Variants in CLIP1 observed in about 807,000 individuals in gnomAD.
CLIP1 encodes CAP-Gly domain containing linker protein 1.
CLIP1 carries 66 observed loss-of-function variants against 161.6 expected under a neutral mutation model. That is an observed-to-expected ratio of 0.41 (90% CI 0.33 to 0.50). CLIP1 has a LOEUF of 0.50. Among genes scored for constraint, CLIP1 ranks in the 20% least tolerant of loss-of-function variants. CLIP1 has a pLI of 0.27. For synonymous variants in CLIP1, 598 were observed against 626.2 expected, an observed-to-expected ratio of 0.96 and a Z score of 0.67; for missense variants, 1,376 against 1,702.0, an observed-to-expected ratio of 0.81 and a Z score of 3.37.
rs77289752 is a variant in CLIP1 at position 122,328,146 on chromosome 12, G to C, written c.3050C>G (p.Thr1017Arg). The stretch of plus-strand genomic sequence containing the variant: ...CAGCTCCTGACACTGGTTGTGGCTT[G>C]TTTCCATTTTCTTTTCCTGCAGAGA... ...KLSDLEKKMETSHNQCQELKA... is the reference protein window; with the variant it reads ...KLSDLEKKMERSHNQCQELKA... The change falls in exon 17 of 26, where the codon ACA becomes AGA. Residue 1017 changes from threonine (T) to arginine (R), a missense_variant. This residue lies in a region of CLIP1 where 948 missense variants were observed against 1,134.8 expected (regional missense o/e 0.84). Transcript: ENST00000620786. 1 of 1,584,500 alleles carries C rather than the reference G, an allele frequency of 6.3e-7. No homozygotes were observed. The highest frequency in any genetic ancestry group is 8.5e-7 in the Non-Finnish European group (1 of 1,170,038).
chr12:122,363,558 TCTC>T (rs1447990255), intron 4 of CLIP1, among the ~76,000 whole-genome samples: 1 of 151,864 alleles, frequency 6.6e-6, no homozygotes, highest in African/African-American at 2.4e-5. Flanking sequence ...GGCGGTCTGT[TCTC>T]CTGCCGCAGG....
chr12:122,314,532 T>C (rs1951190349), intron 19 of CLIP1, among the ~76,000 whole-genome samples: 1 of 152,130 alleles, frequency 6.6e-6, no homozygotes, highest in Admixed American at 6.6e-5. Flanking sequence ...AATGGAATTT[T>C]ATCTAAACCC....
chr12:122,380,117 C>G (rs1954943991), intron 2 of CLIP1, among the ~76,000 whole-genome samples: 1 of 141,210 alleles, frequency 7.1e-6, no homozygotes, highest in Non-Finnish European at 1.5e-5. Flanking sequence ...GTAGTATGCG[C>G]CTATATTCCC....
rs188644818 is a variant in CLIP1, at chr12:122,372,296, G to C, written c.657+5093C>G. Among the ~76,000 whole-genome samples, 58 of 152,126 alleles carry C rather than the reference G, an allele frequency of 3.8e-4. 1 individual carries two copies. The East Asian group carries it at 4.1e-3, about 11-fold the overall frequency. ...TTAGCCAGGCGTGGTGGCACATCCA[G>C]ATAATCCCAGCTACTCAGGAGGCTG... On this transcript the variant is annotated intron_variant, in intron 3 of 25. Coordinates refer to ENST00000620786, the MANE Select transcript of CLIP1 (RefSeq NM_001247997.2).
rs1280752629 is a variant in CLIP1, at chr12:122,278,228, A to AC, written c.3917-26_3917-25insG. ...CCTTATATTTGAGGAAAAAAAAAAA[A>AC]AAACAAGTGGAGGGAGAATATATGT... is the stretch of plus-strand genomic sequence containing the variant. On this transcript the variant is annotated intron_variant, in intron 23 of 25. Coordinates refer to ENST00000620786, the MANE Select transcript of CLIP1 (RefSeq NM_001247997.2). 2.5e-6 allele frequency: 4 copies of AC among 1,573,988 alleles called. No homozygotes were observed. The African/African-American group carries it at 5.5e-5, about 22-fold the overall frequency.
intron 19 of CLIP1, among the ~76,000 whole-genome samples, chr12:122,315,108 C>T (rs770223131): frequency 2.6e-5 from 4 of 152,122 alleles, no homozygotes; most frequent in East Asian, 1.9e-4. Context: ...TAAAACTCCC[C>T]GAAGAACCAC....
intron 1 of CLIP1, among the ~76,000 whole-genome samples, chr12:122,408,621 T>A (rs1379887322): frequency 6.6e-6 from 1 of 151,984 alleles, no homozygotes; most frequent in Non-Finnish European, 1.5e-5. Flanking sequence ...GTGCTGGGAT[T>A]ACAGGTGTGA....
chr12:122,289,406 G>A (rs1956001713), intron 20 of CLIP1, among the ~76,000 whole-genome samples: 1 of 147,790 alleles, frequency 6.8e-6, no homozygotes, highest in Non-Finnish European at 1.5e-5. Flanking sequence ...GTGACAGAGT[G>A]AGACTCCATC....
At chr12:122,398,383 C>T (rs1466082541) in intron 1 of CLIP1, among the ~76,000 whole-genome samples, 1 of 150,752 alleles carries the variant, frequency 6.6e-6, no homozygotes, top group Non-Finnish European at 1.5e-5. Flanking sequence ...CGAGATCACG[C>T]CACTGCACTC....
At chr12:122,367,037 G>A (rs1189117013) in intron 3 of CLIP1, among the ~76,000 whole-genome samples, 5 of 152,212 alleles carry the variant, frequency 3.3e-5, no homozygotes, top group Admixed American at 3.3e-4. Flanking sequence ...ATGTGAGCAG[G>A]ACACAGCACA....
intron 2 of CLIP1, 93 bp from the exon 3 acceptor site, chr12:122,378,053 G>T: frequency 9.3e-7 from 1 of 1,074,900 alleles, no homozygotes; most frequent in Non-Finnish European, 1.4e-6. Context: ...CAGCCCACAG[G>T]AGTAGCCCAG....
chr12:122,326,772 A>C (rs572745583), intron 17 of CLIP1, among the ~76,000 whole-genome samples: 1 of 152,182 alleles, frequency 6.6e-6, no homozygotes, highest in African/African-American at 2.4e-5. Flanking sequence ...TACAAAAAAA[A>C]AACTGAAGTC....
rs762428881 is a variant in CLIP1 at position 122,341,059 on chromosome 12, C to T, written c.2145G>A (p.Ser715=). The change falls in exon 11 of 26, where the codon TCG becomes TCA. Residue 715 remains serine, a synonymous_variant. Coordinates refer to ENST00000620786, the MANE Select transcript of CLIP1 (RefSeq NM_001247997.2). ...EKENSLEAIR[S]KLDKAEDQHL... ...GCTGGTCTTCTGCTTTGTCCAGTTTCGACCTGATGGCTTCCAGACTGTTTT... is the reference window on the plus strand; with the variant it reads ...GCTGGTCTTCTGCTTTGTCCAGTTTTGACCTGATGGCTTCCAGACTGTTTT... 9.9e-6 allele frequency: 16 copies of T among 1,613,950 alleles called. No individual in the cohort carries two copies. Among genetic ancestry groups the T allele is most frequent in the Admixed American group, 8.3e-5 (5 of 59,976 alleles).
intron 15 of CLIP1, 63 bp downstream of exon 15, chr12:122,332,924 C>T (rs966205422): frequency 2.2e-6 from 3 of 1,370,544 alleles, no homozygotes; most frequent in African/African-American, 2.9e-5. Flanking sequence ...GTCTCCCCTC[C>T]CACCTAGAGC....
intron 20 of CLIP1, among the ~76,000 whole-genome samples, chr12:122,290,568 A>C (rs1956057647): frequency 6.6e-6 from 1 of 152,052 alleles, no homozygotes; most frequent in African/African-American, 2.4e-5. Flanking sequence ...AAAACTGGAA[A>C]ATTTTTACAA....
intron 1 of CLIP1, among the ~76,000 whole-genome samples, chr12:122,387,581 TATA>T (rs1566209583): frequency 2.2e-3 from 10 of 4,500 alleles, no homozygotes; most frequent in African/African-American, 3.0e-3. Context: ...TATATATATA[TATA>T]TATATATTTT....
Position 122,278,877 on chromosome 12 carries a change from C to T in CLIP1, c.3831G>A (p.Glu1277=). Residue 1277 remains glutamate (E), a synonymous_variant, in exon 23 of 26, where the codon GAG becomes GAA. Transcript: ENST00000620786. ...KSLHSVVQTL[E]SDKVKLELKV... ...TGAGCTCGAGCTTCACCTTATCAGACTCTAGAGTCTGAACAACTGAATGCA... is the reference window on the plus strand; with the variant it reads ...TGAGCTCGAGCTTCACCTTATCAGATTCTAGAGTCTGAACAACTGAATGCA... 6.2e-7 allele frequency: 1 copy of T among 1,613,528 alleles called. No individual in the cohort carries two copies. The highest frequency in any genetic ancestry group is 8.5e-7 in the Non-Finnish European group (1 of 1,179,800).
At chr12:122,387,690 C>T (rs1955388282) in intron 1 of CLIP1, among the ~76,000 whole-genome samples, 1 of 147,816 alleles carries the variant, frequency 6.8e-6, no homozygotes, top group Non-Finnish European at 1.5e-5. Flanking sequence ...GCCTCAACCT[C>T]CTGGACTCAA....
At chr12:122,290,179 A>C (rs1956040308) in intron 20 of CLIP1, among the ~76,000 whole-genome samples, 1 of 152,216 alleles carries the variant, frequency 6.6e-6, no homozygotes, top group Non-Finnish European at 1.5e-5. Context: ...ACTTATGTTC[A>C]TGCTTTGCTA....
Sources: allele counts gnomAD v4.1 joint callset (sites outside exome capture counted in the v4.1 genomes callset), GRCh38; gene constraint gnomAD v4.1.1; regional missense constraint gnomAD v4.1.1; transcripts MANE v1.5; gene names NCBI Gene and HGNC (gene_info 2026-07-23, HGNC 2026-07-21).